EVA1C: variants seen among roughly 807,000 people sequenced by gnomAD.
The protein encoded by EVA1C is protein eva-1 homolog C.
A neutral mutation model predicts 45.4 loss-of-function variants in EVA1C; 25 were observed. That is an observed-to-expected ratio of 0.55 (90% CI 0.40 to 0.77). The LOEUF is 0.77. Ranked by LOEUF, EVA1C falls within the 30% of genes least tolerant of loss-of-function variation. The probability of loss-of-function intolerance (pLI) is 0.00; values close to 1 mark genes in which losing one functional copy is unlikely to be tolerated. For missense variants in EVA1C, 479 were observed against 554.8 expected (o/e 0.86, Z 1.37); for synonymous variants, 190 against 221.2 (o/e 0.86, Z 1.25).
At chr21:32,415,375 G>A (rs1229238634) in intron 1 of EVA1C, among the ~76,000 whole-genome samples, 1 of 152,208 alleles carries the variant, frequency 6.6e-6, no homozygotes, top group African/African-American at 2.4e-5. Flanking sequence ...CCCTGTGAAG[G>A]AGGAGGGAGG....
chr21:32,494,224 A>G lies in EVA1C; in HGVS notation c.635-803A>G, dbSNP rs554949378. Among the ~76,000 whole-genome samples the G allele has an allele frequency of 3.9e-5, 6 of 152,342 alleles. 1 individual carries two copies. The highest frequency in any genetic ancestry group is 1.9e-4 in the East Asian group (1 of 5,192). ...CACCGAAAAACAAATCTTCATGTCA[A>G]TTAGTTTATTTCATTCATTCATTCA... On this transcript the variant is annotated intron_variant, in intron 4 of 7. Coordinates refer to ENST00000300255, the MANE Select transcript of EVA1C (RefSeq NM_058187.5).
chr21:32,457,677 A>G lies in EVA1C; in HGVS notation c.438A>G (p.Pro146=). The G allele has an allele frequency of 1.2e-6, 2 of 1,614,188 alleles. No individual in the cohort carries two copies. The highest frequency in any genetic ancestry group is 1.7e-6 in the Non-Finnish European group (2 of 1,180,020). Reference sequence around the variant, plus strand: ...GTGTTTTTGGACCTGACCTTTGTCCAGGAAGCAGTAAATACCTCCTGGTCT... The same window carrying G: ...GTGTTTTTGGACCTGACCTTTGTCCGGGAAGCAGTAAATACCTCCTGGTCT... ...NSRVFGPDLC[P]GSSKYLLVSF... Residue 146 remains proline (P), a synonymous_variant, in exon 3 of 8, where the codon CCA becomes CCG. Transcript: ENST00000300255.
chr21:32,512,384 G>A (rs895068993), intron 7 of EVA1C, among the ~76,000 whole-genome samples: 2 of 152,198 alleles, frequency 1.3e-5, no homozygotes, highest in Admixed American at 1.3e-4. Flanking sequence ...AGGTACAGTA[G>A]CAAGTCCATA....
At chr21:32,471,324 CTTTTTTCT>C (rs2036364064) in intron 4 of EVA1C, among the ~76,000 whole-genome samples, 1 of 117,538 alleles carries the variant, frequency 8.5e-6, no homozygotes, top group Non-Finnish European at 1.7e-5. Context: ...TCCTTTTTTT[CTTTTTTCT>C]TTTTTTTTTT....
chr21:32,444,776 C>T (rs2035307829), intron 1 of EVA1C, among the ~76,000 whole-genome samples: 1 of 151,092 alleles, frequency 6.6e-6, no homozygotes, highest in African/African-American at 2.4e-5. Flanking sequence ...CAGTCCCCAT[C>T]CTGAAGCTAG....
intron 1 of EVA1C, among the ~76,000 whole-genome samples, chr21:32,435,673 A>C (rs1361855536): frequency 1.3e-5 from 2 of 152,286 alleles, no homozygotes; most frequent in Admixed American, 1.3e-4. Context: ...CTTTACAGTC[A>C]GGACCAGCTG....
chr21:32,453,049 GC>G, intron 1 of EVA1C: 1 of 402,242 alleles, frequency 2.5e-6, no homozygotes, highest in Non-Finnish European at 4.5e-6. Context: ...CATGGGTGGA[GC>G]CCTCGCCAGG....
chr21:32,462,791 C>G (rs1194960853), intron 3 of EVA1C, among the ~76,000 whole-genome samples: 1 of 152,238 alleles, frequency 6.6e-6, no homozygotes, highest in Non-Finnish European at 1.5e-5. Flanking sequence ...CTGCAGGTAA[C>G]TAGCCAGAGC....
At chr21:32,494,961 C>T in intron 4 of EVA1C, 66 bp from the exon 5 acceptor site, 1 of 1,481,090 alleles carries the variant, frequency 6.8e-7, no homozygotes, top group South Asian at 1.2e-5. Context: ...ACAGAGAATG[C>T]TGTAGGCTAT....
Position 32,502,182 on chromosome 21 carries a change from C to T in EVA1C, c.859+687C>T, listed in dbSNP as rs2037581592. 2.0e-5 allele frequency among the ~76,000 whole-genome samples: 3 copies of T among 152,060 alleles called. No homozygotes were observed. The South Asian group carries it at 6.2e-4, about 32-fold the overall frequency. On this transcript the variant is annotated intron_variant, in intron 6 of 7. Transcript: ENST00000300255. ...TGGCGCAATCTCCACTCACTGCAACCTCTGCCTCCGGGTTCAAGCGATTCT... is the reference window on the plus strand; with the variant it reads ...TGGCGCAATCTCCACTCACTGCAACTTCTGCCTCCGGGTTCAAGCGATTCT...
chr21:32,482,715 G>A (rs575000022), intron 4 of EVA1C, among the ~76,000 whole-genome samples: 4 of 152,316 alleles, frequency 2.6e-5, no homozygotes, highest in South Asian at 4.1e-4. Context: ...ACACAGCACA[G>A]CAGAAGCATT....
intron 1 of EVA1C, among the ~76,000 whole-genome samples, chr21:32,443,845 C>G (rs1270870878): frequency 1.3e-5 from 2 of 152,218 alleles, no homozygotes; most frequent in African/African-American, 4.8e-5. Context: ...AGAGTTGGAT[C>G]TGTCTCCAAA....
At chr21:32,492,677 G>C in intron 4 of EVA1C, among the ~76,000 whole-genome samples, 1 of 150,202 alleles carries the variant, frequency 6.7e-6, no homozygotes, top group Non-Finnish European at 1.5e-5. Flanking sequence ...TCAAAATCTC[G>C]GCCCACCTCA....
intron 4 of EVA1C, among the ~76,000 whole-genome samples, chr21:32,483,007 C>T (rs1032739325): frequency 3.3e-5 from 5 of 152,266 alleles, no homozygotes; most frequent in Admixed American, 1.3e-4. Context: ...AGGCGCACAC[C>T]ATCATGCCCA....
At chr21:32,506,868 G>A (rs555411971) in intron 7 of EVA1C, among the ~76,000 whole-genome samples, 1 of 152,186 alleles carries the variant, frequency 6.6e-6, no homozygotes, top group African/African-American at 2.4e-5. Flanking sequence ...CTGTGGGGAT[G>A]TGACCCACGG....
intron 5 of EVA1C, among the ~76,000 whole-genome samples, chr21:32,500,823 T>C (rs1380523337): frequency 1.3e-5 from 2 of 152,116 alleles, no homozygotes; most frequent in Non-Finnish European, 2.9e-5. Context: ...TTCACTTTTT[T>C]TTTTTGGAGA....
chr21:32,503,887 C>T lies in EVA1C; in HGVS notation c.860-39C>T, dbSNP rs776940351. The T allele has an allele frequency of 2.1e-6, 3 of 1,443,648 alleles. No individual in the cohort carries two copies. In the Admixed American group the frequency reaches 5.2e-5, roughly 25 times the overall value. 89.4% of individuals were successfully genotyped at this position (1,443,648 alleles called of 1,614,324 possible). ...TGTCTTAGAATAGGCGTACTATGAACAGCTGTGATTAATTGGTCTTGCATT... is the reference window on the plus strand; with the variant it reads ...TGTCTTAGAATAGGCGTACTATGAATAGCTGTGATTAATTGGTCTTGCATT... On this transcript the variant is annotated intron_variant, in intron 6 of 7. Coordinates refer to ENST00000300255, the MANE Select transcript of EVA1C (RefSeq NM_058187.5).
intron 1 of EVA1C, among the ~76,000 whole-genome samples, chr21:32,443,000 AG>A (rs1347803016): frequency 7.7e-5 from 5 of 65,132 alleles, no homozygotes; most frequent in Non-Finnish European, 1.5e-4. Flanking sequence ...GAGGGAGGGA[AG>A]GAGGGAGGGA....
At chr21:32,424,527 A>G (rs983743306) in intron 1 of EVA1C, among the ~76,000 whole-genome samples, 10 of 152,182 alleles carry the variant, frequency 6.6e-5, no homozygotes, top group African/African-American at 2.2e-4. Context: ...TTTCCTTGTA[A>G]AATTAAGGGA....
Sources: gnomAD v4.1 joint callset for allele counts (sites outside exome capture counted in the v4.1 genomes callset) on GRCh38, gnomAD v4.1.1 for gene constraint, MANE v1.5 for transcripts, NCBI Gene and HGNC (gene_info 2026-07-23, HGNC 2026-07-21) for gene names.